The following CCPG1 variants were observed in gnomAD, a reference collection of about 807,000 sequenced individuals.
The protein encoded by CCPG1 is cell cycle progression 1.
Under a neutral mutation model 81.3 loss-of-function variants are expected in CCPG1, and 46 were observed. The ratio of observed to expected loss-of-function variants is 0.57; its 90% CI spans 0.45 to 0.72. The LOEUF (loss-of-function observed/expected upper bound fraction) is 0.72, where lower values mean the gene tolerates loss of function less well. Ranked by LOEUF, CCPG1 falls within the 30% of genes least tolerant of loss-of-function variation. The pLI is 0.00. For synonymous variants in CCPG1, 330 were observed against 305.2 expected, an observed-to-expected ratio of 1.08 and a Z score of -0.85; for missense variants, 902 against 937.6, an observed-to-expected ratio of 0.96 and a Z score of 0.50.
intron 5 of CCPG1, among the ~76,000 whole-genome samples, chr15:55,376,267 T>C (rs1223794707): frequency 1.3e-5 from 2 of 152,158 alleles, no homozygotes; most frequent in Non-Finnish European, 2.9e-5. Context: ...TACATCACAT[T>C]AAAAGATGTT....
chr15:55,400,246 C>G, intron 1 of CCPG1, among the ~76,000 whole-genome samples: 1 of 139,172 alleles, frequency 7.2e-6, no homozygotes, highest in African/African-American at 2.8e-5. Flanking sequence ...GGTGGTGAGT[C>G]ACACCTGTAA....
At chr15:55,389,921 A>C (rs538355095) in intron 1 of CCPG1, among the ~76,000 whole-genome samples, 1 of 152,348 alleles carries the variant, frequency 6.6e-6, no homozygotes, top group Admixed American at 6.5e-5. Context: ...CAAACATAGA[A>C]GAAACATGAT....
intron 1 of CCPG1, among the ~76,000 whole-genome samples, chr15:55,400,121 T>G (rs1410069884): frequency 7.1e-6 from 1 of 141,322 alleles, no homozygotes; most frequent in Non-Finnish European, 1.5e-5. Context: ...GCACAAGAAT[T>G]GCTGCTTGAA....
chr15:55,381,224 A>G (rs1054780446), intron 3 of CCPG1, among the ~76,000 whole-genome samples: 1 of 152,010 alleles, frequency 6.6e-6, no homozygotes, highest in Non-Finnish European at 1.5e-5. Flanking sequence ...TCAGGAGGTC[A>G]GGAGTTCGAG....
At chr15:55,403,145 G>T (rs746826314) in intron 1 of CCPG1, among the ~76,000 whole-genome samples, 2 of 152,070 alleles carry the variant, frequency 1.3e-5, no homozygotes, top group Non-Finnish European at 2.9e-5. Flanking sequence ...CATATGAGTA[G>T]ATAACTCCAC....
chr15:55,396,128 T>G (rs891705376), intron 1 of CCPG1, among the ~76,000 whole-genome samples: 11 of 137,814 alleles, frequency 8.0e-5, no homozygotes, highest in African/African-American at 3.0e-4. Context: ...CACTCCAGCC[T>G]GGGCAACAGA....
chr15:55,406,627 G>T (rs886693980), intron 1 of CCPG1, among the ~76,000 whole-genome samples: 1 of 151,252 alleles, frequency 6.6e-6, no homozygotes, highest in African/African-American at 2.4e-5. Context: ...TAGAGACGGG[G>T]TTTCACCGTG....
chr15:55,375,805 C>T (rs1004893178), intron 5 of CCPG1, among the ~76,000 whole-genome samples: 1 of 151,968 alleles, frequency 6.6e-6, no homozygotes, highest in Middle Eastern at 3.2e-3. Flanking sequence ...AGCAATCCTC[C>T]CACCTCAGCC....
intron 3 of CCPG1, among the ~76,000 whole-genome samples, chr15:55,381,807 T>TA (rs374435481): frequency 0.3 from 35,316 of 117,448 alleles, 5,186 homozygotes; most frequent in Non-Finnish European, 0.37. Flanking sequence ...CCATGTGAAG[T>TA]ATACATAATA....
intron 8 of CCPG1, chr15:55,357,432 C>T: frequency 1.0e-6 from 1 of 985,452 alleles, no homozygotes; most frequent in African/African-American, 1.7e-5. Context: ...CCCATCAATC[C>T]TCTAGGCTGC....
In CCPG1 at chr15:55,360,925, G is replaced by T. The variant is rs924843051; in HGVS notation, c.848C>A (p.Ala283Glu). The change falls in exon 8 of 9, where the codon GCA becomes GAA. Residue 283 changes from alanine (A) to glutamate (E), a missense_variant. Physicochemically the swap from Ala to Glu is moderately radical, Grantham distance 107. Around this residue, in one of 3 missense-constraint regions of CCPG1, gnomAD observed 746 missense variants for 728.6 expected, o/e 1.02. Coordinates refer to ENST00000442196, the MANE Select transcript of CCPG1 (RefSeq NM_001204450.2). ...TGCTTCAGTAAGTGTCCAACACCTT[G>T]CAAGATTTTCTTTCAATGACTACAT... ...IDYKSLKENL[A>E]RCWTLTEAEK... The T allele has an allele frequency of 3.9e-6, 6 of 1,538,392 alleles. No homozygotes were observed. The highest frequency in any genetic ancestry group is 2.8e-5 in the African/African-American group (2 of 71,336).
At chr15:55,401,758 AT>A (rs1328028767) in intron 1 of CCPG1, among the ~76,000 whole-genome samples, 6 of 152,006 alleles carry the variant, frequency 3.9e-5, no homozygotes, top group Non-Finnish European at 8.8e-5. Flanking sequence ...GTGCTAAAAT[AT>A]TTTTCTTCCC....
intron 2 of CCPG1, among the ~76,000 whole-genome samples, chr15:55,387,705 T>C (rs1183519611): frequency 1.3e-5 from 2 of 151,636 alleles, no homozygotes; most frequent in African/African-American, 2.4e-5. Context: ...CGACCACGCC[T>C]GGCTAATTTT....
intron 7 of CCPG1, among the ~76,000 whole-genome samples, chr15:55,364,826 T>C (rs1460693254): frequency 6.6e-6 from 1 of 151,800 alleles, no homozygotes; most frequent in Admixed American, 6.6e-5. Context: ...CAACCTGAGG[T>C]TGCACCACTG....
At position 55,355,470 on chromosome 15, in the gene CCPG1, T is replaced by C. The variant is rs2141232932; in HGVS notation, c.*750A>G. On this transcript the variant is annotated 3_prime_UTR_variant, in exon 9 of 9. Transcript: ENST00000442196. ...AAATTAACATTGCTGGGTGGAAATATTCAGATGCTGCTTAAATACTTCGGT... is the reference window on the plus strand; with the variant it reads ...AAATTAACATTGCTGGGTGGAAATACTCAGATGCTGCTTAAATACTTCGGT... 2 of 1,545,954 alleles carry C rather than the reference T, an allele frequency of 1.3e-6. No homozygotes were observed. The highest frequency in any genetic ancestry group is 2.3e-5 in the East Asian group (1 of 44,318).
intron 7 of CCPG1, among the ~76,000 whole-genome samples, chr15:55,363,172 A>AC (rs1375365728): frequency 1.3e-5 from 2 of 152,098 alleles, no homozygotes; most frequent in African/African-American, 4.8e-5. Context: ...ACATAGTGAA[A>AC]CCCCATCTCT....
chr15:55,386,848 G>T (rs1033053572), intron 2 of CCPG1, among the ~76,000 whole-genome samples: 2 of 151,234 alleles, frequency 1.3e-5, no homozygotes, highest in African/African-American at 4.9e-5. Context: ...AGTGAGCAGA[G>T]ATCCTGCCAC....
chr15:55,389,967 C>T (rs912322079), intron 1 of CCPG1, among the ~76,000 whole-genome samples: 1 of 152,170 alleles, frequency 6.6e-6, no homozygotes, highest in Non-Finnish European at 1.5e-5. Context: ...AGCTGTCGAC[C>T]GGTTGGAGTG....
intron 1 of CCPG1, among the ~76,000 whole-genome samples, chr15:55,392,209 G>T (rs957077743): frequency 7.5e-5 from 9 of 119,818 alleles, no homozygotes; most frequent in Admixed American, 4.3e-4. Flanking sequence ...GATCAGATTT[G>T]ATTTTTTTTT....
Sources: allele counts gnomAD v4.1 joint callset (sites outside exome capture counted in the v4.1 genomes callset), GRCh38; gene constraint gnomAD v4.1.1; regional missense constraint gnomAD v4.1.1; transcripts MANE v1.5; gene names NCBI Gene and HGNC (gene_info 2026-07-23, HGNC 2026-07-21).